COL4A4: variants seen among roughly 807,000 people sequenced by gnomAD.
COL4A4 encodes the protein collagen type IV alpha 4 chain.
COL4A4 carries 105 observed loss-of-function variants against 192.9 expected under a neutral mutation model. The ratio of observed to expected loss-of-function variants is 0.54; its 90% CI spans 0.46 to 0.64. The LOEUF (loss-of-function observed/expected upper bound fraction) is 0.64. Ranked by LOEUF, COL4A4 falls within the 30% of genes least tolerant of loss-of-function variation. COL4A4 has a pLI of 0.00. For missense variants in COL4A4, 1,967 were observed against 2,169.3 expected, an observed-to-expected ratio of 0.91 and a Z score of 1.85; for synonymous variants, 762 against 769.9, an observed-to-expected ratio of 0.99 and a Z score of 0.17.
chr2:227,104,279 T>C, intron 12 of COL4A4: 1 of 495,226 alleles, frequency 2.0e-6, no homozygotes, highest in Admixed American at 3.0e-5. Context: ...TTCTTAATGC[T>C]ACTATCCAGG....
At chr2:227,127,373 G>A (rs1023465793) in intron 4 of COL4A4, among the ~76,000 whole-genome samples, 26 of 152,040 alleles carry the variant, frequency 1.7e-4, no homozygotes, top group African/African-American at 5.6e-4. Context: ...TGTTATTTGC[G>A]CCTCCCTAGA....
chr2:227,125,135 A>G (rs888950883), intron 4 of COL4A4, among the ~76,000 whole-genome samples: 25 of 152,242 alleles, frequency 1.6e-4, no homozygotes, highest in Admixed American at 2.6e-4. Context: ...ACAACAGTTA[A>G]GAATAATAAA....
intron 20 of COL4A4, among the ~76,000 whole-genome samples, chr2:227,093,879 TA>T (rs994532658): frequency 4.1e-4 from 62 of 151,932 alleles, no homozygotes; most frequent in African/African-American, 1.4e-3. Flanking sequence ...AAACTACATT[TA>T]AAAAAAATTG....
rs1373604372 is a variant in COL4A4, at chr2:227,082,173, G to A, written c.1638C>T (p.Ala546=). 6.2e-7 allele frequency: 1 copy of A among 1,614,116 alleles called. No homozygotes were observed. The highest frequency in any genetic ancestry group is 2.2e-5 in the East Asian group (1 of 44,886). ...GPPGLPGKHG[A]SGPPGNKGAK... Reference sequence around the variant, plus strand: ...CCCCTTTGTTGCCAGGTGGTCCAGAGGCACCATGCTTTCCCTTGGTGAAAA... The same window carrying A: ...CCCCTTTGTTGCCAGGTGGTCCAGAAGCACCATGCTTTCCCTTGGTGAAAA... Residue 546 remains alanine (A), a synonymous_variant, in exon 23 of 48, where the codon GCC becomes GCT. Coordinates refer to ENST00000396625, the MANE Select transcript of COL4A4 (RefSeq NM_000092.5).
At chr2:227,099,968 C>T (rs988779549) in intron 17 of COL4A4, among the ~76,000 whole-genome samples, 2 of 152,200 alleles carry the variant, frequency 1.3e-5, no homozygotes, top group African/African-American at 2.4e-5. Flanking sequence ...AAATTGGATA[C>T]CTCTGATGTC....
intron 35 of COL4A4, among the ~76,000 whole-genome samples, chr2:227,045,690 A>T (rs578139240): frequency 3.2e-4 from 47 of 146,698 alleles, no homozygotes; most frequent in Non-Finnish European, 4.0e-4. Flanking sequence ...AATTGCTTGA[A>T]CCCAGAAGGT....
chr2:227,084,731 C>CAA (rs767868325), intron 22 of COL4A4, among the ~76,000 whole-genome samples: 93 of 152,198 alleles, frequency 6.1e-4, no homozygotes, highest in Non-Finnish European at 6.2e-4. Flanking sequence ...ATTCCTGGGG[C>CAA]AAAGGTTCTC....
rs1326584789 is a variant in COL4A4, at chr2:227,030,455, C to G, written c.3961G>C (p.Asp1321His). Residue 1321 changes from aspartate to histidine, a missense_variant, in exon 41 of 48, where the codon GAT (aspartate) becomes CAT (histidine). By Grantham distance (81) the Asp-to-His change is moderately conservative. Coordinates refer to ENST00000396625, the MANE Select transcript of COL4A4 (RefSeq NM_000092.5). Reference protein sequence around the residue: ...YKGFPGCDGKDGQKGPVGFPG... With the variant: ...YKGFPGCDGKHGQKGPVGFPG... ...ACAACATTCATACCTTTCTGGCCAT[C>G]TTTTCCATCACATCCTGGAAAGCCT... The G allele has an allele frequency of 4.3e-6, 7 of 1,614,208 alleles. No homozygotes were observed. Among genetic ancestry groups the G allele is most frequent in the Non-Finnish European group, 5.9e-6 (7 of 1,180,046 alleles).
At position 227,121,135 on chromosome 2, in the gene COL4A4, G is replaced by T; in HGVS notation, c.206C>A (p.Pro69Gln). ...TCCAATTGGACCCTGTGGCCCTGGT[G>T]GTCCTGGTGGACCCTGAGAAGGAAG... ...PEKGSRGPPGPPGPQGPIGPL... is the reference protein window; with the variant it reads ...PEKGSRGPPGQPGPQGPIGPL... Residue 69 changes from proline (P) to glutamine (Q), a missense_variant, in exon 5 of 48, where the codon CCA becomes CAA. Transcript: ENST00000396625. 1.2e-6 allele frequency: 2 copies of T among 1,613,988 alleles called. No homozygotes were observed. The highest frequency in any genetic ancestry group is 1.7e-6 in the Non-Finnish European group (2 of 1,179,914).
chr2:227,143,020 G>GCACA (rs148292024), intron 3 of COL4A4, among the ~76,000 whole-genome samples: 16,714 of 150,790 alleles, frequency 0.11, 2,992 homozygotes, highest in African/African-American at 0.39. Flanking sequence ...ACACACACAC[G>GCACA]CACACACAGA....
chr2:227,099,540 A>T, intron 18 of COL4A4, 80 bp downstream of exon 18: 1 of 1,286,668 alleles, frequency 7.8e-7, no homozygotes, highest in East Asian at 2.3e-5. Flanking sequence ...CTATGGAAAT[A>T]CTGGGCCAGA....
intron 37 of COL4A4, among the ~76,000 whole-genome samples, chr2:227,036,881 T>G (rs1969794544): frequency 6.6e-6 from 1 of 152,136 alleles, no homozygotes; most frequent in African/African-American, 2.4e-5. Flanking sequence ...GGAAAGCCAT[T>G]TCCAGATTCT....
chr2:227,140,370 A>G (rs993528382), intron 3 of COL4A4, 132 bp from the exon 4 acceptor site: 3 of 747,334 alleles, frequency 4.0e-6, no homozygotes, highest in Non-Finnish European at 7.0e-6. Flanking sequence ...ATGACATATA[A>G]AAAGATGAAG....
intron 20 of COL4A4, among the ~76,000 whole-genome samples, chr2:227,091,336 G>T (rs1023985641): frequency 6.6e-6 from 1 of 150,926 alleles, no homozygotes; most frequent in Non-Finnish European, 1.5e-5. Flanking sequence ...TAAAAATTCA[G>T]GTGAAGGGTT....
At chr2:227,002,314 A>ATATCTT (rs1048579138), downstream of COL4A4, among the ~76,000 whole-genome samples, 3 of 150,508 alleles carry the variant, frequency 2.0e-5, no homozygotes, top group Non-Finnish European at 3.0e-5. Flanking sequence ...AAAAGTAACA[A>ATATCTT]TATCTTTGGT....
chr2:227,053,852 C>CT (rs377079075), intron 31 of COL4A4, among the ~76,000 whole-genome samples: 1 of 150,980 alleles, frequency 6.6e-6, no homozygotes, highest in African/African-American at 2.4e-5. Context: ...GGCCAGAAAA[C>CT]TTTTTTTTTC....
intron 35 of COL4A4, among the ~76,000 whole-genome samples, chr2:227,043,434 A>G (rs1345989860): frequency 1.3e-5 from 2 of 152,224 alleles, no homozygotes; most frequent in African/African-American, 4.8e-5. Context: ...GGTTTTTAAA[A>G]TTAGTGTTGT....
chr2:227,041,405 C>T (rs879590433), intron 37 of COL4A4, among the ~76,000 whole-genome samples: 22 of 151,732 alleles, frequency 1.4e-4, no homozygotes, highest in Non-Finnish European at 2.2e-4. Context: ...TTCAGGAGGC[C>T]GAGGCGGGTG....
chr2:226,970,948 C>T, the COL4A4 span, among the ~76,000 whole-genome samples: 1 of 152,190 alleles, frequency 6.6e-6, no homozygotes, highest in East Asian at 1.9e-4. Context: ...AAAACATACG[C>T]AATCTCCTAT....
Sources: gnomAD v4.1 joint callset for allele counts (sites outside exome capture counted in the v4.1 genomes callset) on GRCh38, gnomAD v4.1.1 for gene constraint, MANE v1.5 for transcripts, NCBI Gene and HGNC (gene_info 2026-07-23, HGNC 2026-07-21) for gene names.